Variants in COX10 observed in about 807,000 individuals in gnomAD.
The protein encoded by COX10 is protoheme IX farnesyltransferase, mitochondrial.
In COX10, 27 loss-of-function variants were observed where a neutral mutation model predicts 37.3. The observed-to-expected ratio is 0.72, with a 90% CI of 0.53 to 1.00. The LOEUF (loss-of-function observed/expected upper bound fraction) is 1.00, where lower values mean the gene tolerates loss of function less well. Among genes scored for constraint, COX10 ranks in the 50% least tolerant of loss-of-function variants. The pLI, the probability that COX10 is intolerant of heterozygous loss-of-function variation, is 0.00. For synonymous variants in COX10, 222 were observed against 229.1 expected, an observed-to-expected ratio of 0.97 and a Z score of 0.28; for missense variants, 475 against 563.2, an observed-to-expected ratio of 0.84 and a Z score of 1.59.
intron 3 of COX10, among the ~76,000 whole-genome samples, chr17:14,097,237 C>A (rs1220518963): frequency 6.6e-6 from 1 of 151,802 alleles, no homozygotes; most frequent in Non-Finnish European, 1.5e-5. Context: ...TTTACTCGTA[C>A]AATTTATCCG....
intron 5 of COX10, chr17:14,182,074 A>C (rs1418749319): frequency 4.1e-6 from 4 of 982,866 alleles, no homozygotes; most frequent in Admixed American, 6.2e-5. Context: ...GTCAGCTTTC[A>C]GAACTCATTC....
chr17:14,167,087 A>G (rs1467921916), intron 5 of COX10, among the ~76,000 whole-genome samples: 1 of 152,198 alleles, frequency 6.6e-6, no homozygotes, highest in African/African-American at 2.4e-5. Flanking sequence ...AAATGTCAAC[A>G]TTAACAGGGG....
intron 4 of COX10, among the ~76,000 whole-genome samples, chr17:14,134,943 G>A (rs1916546787): frequency 6.6e-6 from 1 of 151,594 alleles, no homozygotes; most frequent in Non-Finnish European, 1.5e-5. Flanking sequence ...TTGACTTTTT[G>A]TTTTAAAAAT....
At chr17:14,162,242 A>G (rs897327927) in intron 5 of COX10, among the ~76,000 whole-genome samples, 1 of 152,264 alleles carries the variant, frequency 6.6e-6, no homozygotes, top group African/African-American at 2.4e-5. Context: ...CACTTTCAGA[A>G]TACAAGTGTA....
rs558273870 is a variant in COX10 at position 14,189,904 on chromosome 17, G to A, written c.696-2085G>A. Among the ~76,000 whole-genome samples the A allele has an allele frequency of 1.0e-3, 155 of 152,266 alleles. 1 individual carries two copies. In the South Asian group the frequency reaches 0.031, roughly 30 times the overall value. ...AAGCAAGAGGGGTATTACCTTGGGG[G>A]AAATATGAAGAAAGTAATTTATTTG... is the stretch of plus-strand genomic sequence containing the variant. On this transcript the variant is annotated intron_variant, in intron 5 of 6. Transcript: ENST00000261643.
intron 3 of COX10, among the ~76,000 whole-genome samples, chr17:14,101,021 A>G (rs1915765912): frequency 1.3e-5 from 2 of 152,158 alleles, no homozygotes; most frequent in Non-Finnish European, 2.9e-5. Flanking sequence ...ACAATGCTAA[A>G]TGTCCCCTGG....
intron 3 of COX10, among the ~76,000 whole-genome samples, chr17:14,092,771 A>G (rs750022237): frequency 1.5e-4 from 23 of 152,200 alleles, no homozygotes; most frequent in Admixed American, 2.6e-4. Context: ...ATCATTAAGT[A>G]CAGCTATTTA....
chr17:14,171,361 G>GT (rs1361676309), intron 5 of COX10, among the ~76,000 whole-genome samples: 2 of 152,190 alleles, frequency 1.3e-5, no homozygotes, highest in Non-Finnish European at 2.9e-5. Flanking sequence ...CAACAAATGT[G>GT]TTTTTTTAGT....
intron 5 of COX10, among the ~76,000 whole-genome samples, chr17:14,184,744 G>A (rs1053895945): frequency 2.6e-5 from 4 of 152,166 alleles, no homozygotes; most frequent in African/African-American, 9.7e-5. Context: ...AACTGAAAGT[G>A]GGTGACCTAA....
At chr17:14,134,894 C>T (rs1458668471) in intron 4 of COX10, among the ~76,000 whole-genome samples, 3 of 151,388 alleles carry the variant, frequency 2.0e-5, no homozygotes, top group African/African-American at 7.3e-5. Flanking sequence ...ACACTGGTAA[C>T]GTTGCAGAAC....
At chr17:14,109,727 T>C (rs1057073695) in intron 4 of COX10, among the ~76,000 whole-genome samples, 3 of 152,122 alleles carry the variant, frequency 2.0e-5, no homozygotes, top group Non-Finnish European at 4.4e-5. Context: ...AATATGAGTC[T>C]TCCTGCTACC....
At chr17:14,192,792 T>A (rs1011013536) in intron 6 of COX10, among the ~76,000 whole-genome samples, 8 of 152,204 alleles carry the variant, frequency 5.3e-5, no homozygotes, top group African/African-American at 1.9e-4. Context: ...TGAAAATAGC[T>A]CATTTTTACC....
chr17:14,084,729 C>T (rs574814637), intron 3 of COX10, among the ~76,000 whole-genome samples: 16 of 152,252 alleles, frequency 1.1e-4, no homozygotes, highest in South Asian at 2.1e-4. Flanking sequence ...GGCATGATCT[C>T]GGCTCACTGC....
At chr17:14,121,198 C>T (rs552028873) in intron 4 of COX10, among the ~76,000 whole-genome samples, 22 of 152,232 alleles carry the variant, frequency 1.4e-4, no homozygotes, top group African/African-American at 4.6e-4. Flanking sequence ...TTTCATCTCA[C>T]CCTTGATATC....
chr17:14,169,397 C>T (rs774445187), intron 5 of COX10, among the ~76,000 whole-genome samples: 2 of 152,092 alleles, frequency 1.3e-5, no homozygotes, highest in Non-Finnish European at 2.9e-5. Context: ...TTTTCTGAGC[C>T]CTTCAAATTT....
intron 6 of COX10, among the ~76,000 whole-genome samples, chr17:14,201,817 G>T (rs1567613941): frequency 6.6e-6 from 1 of 152,238 alleles, no homozygotes; most frequent in African/African-American, 2.4e-5. Context: ...GTGAGCTGGG[G>T]CTGGGCTTCT....
At chr17:14,155,861 G>A (rs1905030382) in intron 4 of COX10, among the ~76,000 whole-genome samples, 1 of 152,116 alleles carries the variant, frequency 6.6e-6, no homozygotes, top group South Asian at 2.1e-4. Context: ...CCTTGTTCAG[G>A]CCCTCATCAT....
chr17:14,180,076 G>A (rs1478181613), intron 5 of COX10, among the ~76,000 whole-genome samples: 2 of 152,114 alleles, frequency 1.3e-5, no homozygotes, highest in African/African-American at 4.8e-5. Flanking sequence ...GGTTTTACCA[G>A]TAAGCACTTA....
chr17:14,189,972 A>G (rs571416316), intron 5 of COX10, among the ~76,000 whole-genome samples: 1 of 152,340 alleles, frequency 6.6e-6, no homozygotes, highest in African/African-American at 2.4e-5. Context: ...GATAAAAGAC[A>G]GATTAGGGAG....
Sources: gnomAD v4.1 joint callset for allele counts (sites outside exome capture counted in the v4.1 genomes callset) on GRCh38, gnomAD v4.1.1 for gene constraint, MANE v1.5 for transcripts, NCBI Gene and HGNC (gene_info 2026-07-23, HGNC 2026-07-21) for gene names.